TAF1: variants seen among roughly 807,000 people sequenced by gnomAD.
The protein encoded by TAF1 is TATA-box binding protein associated factor 1.
TAF1 carries 2 observed loss-of-function variants against 138.5 expected under a neutral mutation model. The ratio of observed to expected loss-of-function variants is 0.01; its 90% confidence interval spans 0.01 to 0.05. TAF1 has a LOEUF of 0.05. Ranked by LOEUF, TAF1 falls within the 10% of genes least tolerant of loss-of-function variation. The pLI, the probability that TAF1 is intolerant of heterozygous loss-of-function variation, is 1.00. For synonymous variants in TAF1, 437 were observed against 503.2 expected, an observed-to-expected ratio of 0.87 and a Z score of 1.76; for missense variants, 709 against 1,478.0, an observed-to-expected ratio of 0.48 and a Z score of 8.53.
intron 13 of TAF1, among the ~76,000 whole-genome samples, chrX:71,523,219 G>A (rs2039937599): frequency 9.5e-6 from 1 of 105,290 alleles, no homozygotes; most frequent in Admixed American, 1.0e-4. Flanking sequence ...TCCGTTATAG[G>A]TTGTGTCCAT....
Position 71,420,664 on chromosome X carries a change from G to A in TAF1, c.4385-645G>A. ...CTTCCAGCTCCGGATCCTCAATGGC[G>A]CTGTCTTCCGGGTCACCCTCGACCA... is the stretch of plus-strand genomic sequence containing the variant. On this transcript the variant is annotated intron_variant, in intron 28 of 37. Coordinates refer to ENST00000423759, the MANE Select transcript of TAF1 (RefSeq NM_004606.5). The A allele has an allele frequency of 1.0e-5, 12 of 1,170,863 alleles. No homozygotes were observed. In the South Asian group the frequency reaches 1.7e-4, roughly 16 times the overall value.
At position 71,525,903 on chromosome X, in the gene TAF1, G is replaced by A. The variant is rs758982948; in HGVS notation, c.1367-2639G>A. ...TGATGTCAAACTCCTAGGCTCAAGC[G>A]ATCCTCCCACTTTGGCCTCCCAAAG... On this transcript the variant is annotated intron_variant and NMD_transcript_variant, in intron 13 of 14. Transcript: ENST00000373775. 3.7e-5 allele frequency among the ~76,000 whole-genome samples: 4 copies of A among 107,579 alleles called. No individual in the cohort carries two copies. In the East Asian group the frequency reaches 1.2e-3, roughly 31 times the overall value. The allele number at this position is 107,579 out of a possible 115,157, so 93.4% of individuals were successfully genotyped here.
chrX:71,504,269 T>C (rs1470295564), intron 13 of TAF1, among the ~76,000 whole-genome samples: 1 of 110,064 alleles, frequency 9.1e-6, no homozygotes, highest in Non-Finnish European at 1.9e-5. Context: ...CTACTTGTTC[T>C]GTTTCTCTGA....
In TAF1 at chrX:71,379,893, C is replaced by T. The variant is rs540259455; in HGVS notation, c.1360+862C>T. 3.6e-5 allele frequency among the ~76,000 whole-genome samples: 4 copies of T among 111,842 alleles called. No homozygotes were observed. The South Asian group carries it at 1.5e-3, about 41-fold the overall frequency. Reference sequence around the variant, plus strand: ...CTGGGATTACAGGCATGAGCCACCACGCCTGGCCTGAAGTTAAAGATCTTT... The same window carrying T: ...CTGGGATTACAGGCATGAGCCACCATGCCTGGCCTGAAGTTAAAGATCTTT... On this transcript the variant is annotated intron_variant, in intron 8 of 37. Transcript: ENST00000423759.
intron 14 of TAF1, among the ~76,000 whole-genome samples, chrX:71,386,712 G>A (rs1328021483): frequency 8.9e-6 from 1 of 112,865 alleles, no homozygotes; most frequent in Non-Finnish European, 1.9e-5. Context: ...TGATCTACCT[G>A]CCTCGGCTTC....
intron 24 of TAF1, among the ~76,000 whole-genome samples, chrX:71,399,835 G>A (rs1446093643): frequency 1.8e-5 from 2 of 110,114 alleles, no homozygotes; most frequent in Non-Finnish European, 3.8e-5. Flanking sequence ...CGTTTCAAGC[G>A]GCAATCCTGC....
At chrX:71,404,538 T>C (rs1017429556) in intron 25 of TAF1, among the ~76,000 whole-genome samples, 8 of 110,570 alleles carry the variant, frequency 7.2e-5, no homozygotes, top group African/African-American at 9.9e-5. Flanking sequence ...GGTTTCTCCA[T>C]GTTGGTCAGG....
chrX:71,433,460 A>G (rs2036988673), intron 32 of TAF1, among the ~76,000 whole-genome samples: 1 of 111,316 alleles, frequency 9.0e-6, no homozygotes, highest in Non-Finnish European at 1.9e-5. Flanking sequence ...GTAAATGACT[A>G]AGGTGGGCTA....
chrX:71,377,152 A>G lies in TAF1; in HGVS notation c.675A>G (p.Pro225=). ...IMQHDATKLL[P]SVTELFPEFR... is the part of the protein sequence containing the mutation. ...AGCATGATGCCACCAAGCTGTTGCC[A>G]AGTGTCACAGAACTTTTTCCAGAAT... The change falls in exon 5 of 38, where the codon CCA becomes CCG. Residue 225 remains proline, a synonymous_variant. Coordinates refer to ENST00000423759, the MANE Select transcript of TAF1 (RefSeq NM_004606.5). The G allele has an allele frequency of 8.3e-7, 1 of 1,211,600 alleles. No homozygotes were observed. Among genetic ancestry groups the G allele is most frequent in the East Asian group, 3.0e-5 (1 of 33,848 alleles).
At chrX:71,444,429 A>G (rs2037585328) in intron 32 of TAF1, among the ~76,000 whole-genome samples, 1 of 111,814 alleles carries the variant, frequency 8.9e-6, no homozygotes, top group South Asian at 3.7e-4. Flanking sequence ...CCTTAATAGT[A>G]TCTTTCAGGC....
intron 33 of TAF1, 61 bp from the exon 34 acceptor site, chrX:71,454,680 A>T: frequency 9.9e-7 from 1 of 1,012,697 alleles, no homozygotes; most frequent in Non-Finnish European, 1.4e-6. Flanking sequence ...TCTTTTGTTT[A>T]CTTTTGTATC....
At chrX:71,397,909 G>T (rs982731608) in intron 23 of TAF1, among the ~76,000 whole-genome samples, 2 of 111,931 alleles carry the variant, frequency 1.8e-5, no homozygotes, top group Non-Finnish European at 3.8e-5. Flanking sequence ...CTGTAATTGA[G>T]AACTATCTTG....
chrX:71,417,811 T>C (rs1241241558), intron 28 of TAF1, among the ~76,000 whole-genome samples: 1 of 111,938 alleles, frequency 8.9e-6, no homozygotes, highest in East Asian at 2.8e-4. Context: ...GTATCTCATA[T>C]GCAGCTCCTC....
intron 17 of TAF1, 31 bp downstream of exon 17, chrX:71,388,899 G>T: frequency 8.6e-7 from 1 of 1,164,910 alleles, no homozygotes; most frequent in Non-Finnish European, 1.1e-6. Flanking sequence ...CACCACTTAT[G>T]CCTGTGGTTT....
intron 13 of TAF1, among the ~76,000 whole-genome samples, chrX:71,502,145 T>A (rs2039521278): frequency 8.9e-6 from 1 of 111,877 alleles, no homozygotes; most frequent in East Asian, 2.8e-4. Flanking sequence ...TCCCCTTATT[T>A]GTCCCTGCCC....
At chrX:71,456,078 A>G (rs770431825) in intron 34 of TAF1, among the ~76,000 whole-genome samples, 33 of 111,635 alleles carry the variant, frequency 3.0e-4, no homozygotes, top group Non-Finnish European at 4.3e-4. Context: ...GGAAGGCCCT[A>G]TTTGCTAATA....
At chrX:71,366,518 G>T in intron 1 of TAF1, 24 bp downstream of exon 1, 1 of 953,710 alleles carries the variant, frequency 1.0e-6, no homozygotes, top group South Asian at 2.5e-5. Context: ...CGTGGGGGTA[G>T]GGCTCGGGGG....
chrX:71,528,179 T>C, intron 13 of TAF1: 1 of 211,580 alleles, frequency 4.7e-6, no homozygotes, highest in South Asian at 6.0e-5. Flanking sequence ...TAACAGTCAT[T>C]ATGGCTATCT....
At chrX:71,429,872 T>C (rs1178819636) in intron 32 of TAF1, among the ~76,000 whole-genome samples, 1 of 111,016 alleles carries the variant, frequency 9.0e-6, no homozygotes, top group Non-Finnish European at 1.9e-5. Context: ...TTTAAGGTGG[T>C]ATCAAGCACT....
Sources: gnomAD v4.1 joint callset for allele counts (sites outside exome capture counted in the v4.1 genomes callset) on GRCh38, gnomAD v4.1.1 for gene constraint, MANE v1.5 for transcripts, NCBI Gene and HGNC (gene_info 2026-07-23, HGNC 2026-07-21) for gene names.